The following MCF2L2 variants were observed in gnomAD, a reference collection of about 807,000 sequenced individuals.
The protein encoded by MCF2L2 is MCF.2 cell line derived transforming sequence-like 2, also known as probable guanine nucleotide exchange factor MCF2L2.
Under a neutral mutation model 150.2 loss-of-function variants are expected in MCF2L2, and 102 were observed. The ratio of observed to expected loss-of-function variants is 0.68; its 90% CI spans 0.58 to 0.80. MCF2L2 has a LOEUF of 0.80. Ranked by LOEUF, MCF2L2 falls within the 30% of genes least tolerant of loss-of-function variation. MCF2L2 has a pLI of 0.00. For synonymous variants in MCF2L2, 465 were observed against 491.3 expected (o/e 0.95, Z 0.71); for missense variants, 1,256 against 1,372.8 (o/e 0.91, Z 1.34).
intron 3 of MCF2L2, among the ~76,000 whole-genome samples, chr3:183,355,612 A>C (rs1711723608): frequency 1.2e-5 from 1 of 82,048 alleles, no homozygotes; most frequent in South Asian, 2.9e-4. Flanking sequence ...ACGCCCAGCT[A>C]ATTTTTTTTT....
Position 183,195,225 on chromosome 3 carries a change from G to A in MCF2L2, c.2915C>T (p.Thr972Met), listed in dbSNP as rs371474687. 1.2e-5 allele frequency: 20 copies of A among 1,603,206 alleles called. No homozygotes were observed. The highest frequency in any genetic ancestry group is 3.5e-5 in the Admixed American group (2 of 57,774). ...DQGNPQFEMSTSKGSGAGSGP... is the reference protein window; with the variant it reads ...DQGNPQFEMSMSKGSGAGSGP... ...AAATAAAAAAATCAGTACTCACCTC[G>A]TGCTCATTTCAAACTGTGGATTTCC... is the stretch of plus-strand genomic sequence containing the variant. The change falls in exon 26 of 30, where the codon ACG (threonine) becomes ATG (methionine). Residue 972 changes from threonine to methionine, a missense_variant. Coordinates refer to ENST00000328913, the MANE Select transcript of MCF2L2 (RefSeq NM_015078.4).
At chr3:183,399,918 T>C (rs934320190) in intron 1 of MCF2L2, among the ~76,000 whole-genome samples, 9 of 152,230 alleles carry the variant, frequency 5.9e-5, no homozygotes, top group Non-Finnish European at 1.3e-4. Context: ...AAGCAAGATA[T>C]GTTGGTAATT....
intron 27 of MCF2L2, among the ~76,000 whole-genome samples, chr3:183,185,907 T>C (rs1576905533): frequency 6.6e-6 from 1 of 151,608 alleles, no homozygotes; most frequent in South Asian, 2.1e-4. Flanking sequence ...CAGGGCACAT[T>C]TTTTTTTTCC....
intron 22 of MCF2L2, among the ~76,000 whole-genome samples, chr3:183,208,181 A>C (rs1560342329): frequency 6.6e-6 from 1 of 152,230 alleles, no homozygotes; most frequent in Non-Finnish European, 1.5e-5. Flanking sequence ...TCTCCTTCAA[A>C]GGGACAAGAA....
At chr3:183,239,583 C>T (rs1723915511) in intron 15 of MCF2L2, among the ~76,000 whole-genome samples, 2 of 152,172 alleles carry the variant, frequency 1.3e-5, no homozygotes, top group South Asian at 4.2e-4. Context: ...GTCACCCCCC[C>T]TTCCCCGCCT....
intron 1 of MCF2L2, among the ~76,000 whole-genome samples, chr3:183,391,949 A>G (rs1188170737): frequency 6.6e-6 from 1 of 152,148 alleles, no homozygotes; most frequent in Non-Finnish European, 1.5e-5. Flanking sequence ...GTGCAGTGGC[A>G]TAATCATAGC....
intron 15 of MCF2L2, among the ~76,000 whole-genome samples, chr3:183,250,386 G>C (rs1007025357): frequency 1.3e-5 from 2 of 152,066 alleles, no homozygotes; most frequent in Admixed American, 1.3e-4. Flanking sequence ...AGGAGTTCAA[G>C]ACCTGCCTGG....
chr3:183,322,426 G>C (rs144695216), intron 6 of MCF2L2, among the ~76,000 whole-genome samples: 17 of 152,072 alleles, frequency 1.1e-4, no homozygotes, highest in African/African-American at 3.9e-4. Context: ...AGTCCCTGAC[G>C]ACCCACCAGA....
intron 13 of MCF2L2, 31 bp from the exon 14 acceptor site, chr3:183,289,251 T>A: frequency 6.9e-7 from 1 of 1,439,238 alleles, no homozygotes; most frequent in Non-Finnish European, 9.8e-7. Flanking sequence ...TGTGGTTATT[T>A]AACTTATAAA....
intron 15 of MCF2L2, among the ~76,000 whole-genome samples, chr3:183,234,405 T>A (rs34389664): frequency 1.3e-5 from 2 of 151,912 alleles, no homozygotes; most frequent in Non-Finnish European, 1.5e-5. Context: ...TTCACATCTC[T>A]GAAGGAAAAG....
intron 1 of MCF2L2, among the ~76,000 whole-genome samples, chr3:183,421,365 G>A (rs1715873841): frequency 6.6e-6 from 1 of 152,074 alleles, no homozygotes; most frequent in Admixed American, 6.5e-5. Context: ...CCTTCAGATT[G>A]CATAATCTCT....
chr3:183,286,894 A>G (rs1727826613), intron 14 of MCF2L2, among the ~76,000 whole-genome samples: 1 of 152,250 alleles, frequency 6.6e-6, no homozygotes, highest in South Asian at 2.1e-4. Context: ...TAAGGAAGAA[A>G]ACAACTGAAG....
intron 15 of MCF2L2, among the ~76,000 whole-genome samples, chr3:183,241,058 T>A (rs966113040): frequency 2.0e-5 from 3 of 152,016 alleles, no homozygotes; most frequent in African/African-American, 7.3e-5. Context: ...ATAAAAAAAA[T>A]CAATGATTCC....
At chr3:183,412,906 C>T (rs1395140426) in intron 1 of MCF2L2, among the ~76,000 whole-genome samples, 3 of 152,052 alleles carry the variant, frequency 2.0e-5, no homozygotes, top group Non-Finnish European at 4.4e-5. Flanking sequence ...TCCTTCTACT[C>T]CTAGAAGTGT....
intron 7 of MCF2L2, among the ~76,000 whole-genome samples, chr3:183,313,955 CT>C (rs1427698547): frequency 6.6e-6 from 1 of 152,232 alleles, no homozygotes; most frequent in African/African-American, 2.4e-5. Context: ...GCCCTGAGCA[CT>C]TGCTCGTACT....
At chr3:183,210,908 C>G (rs965592701) in intron 22 of MCF2L2, among the ~76,000 whole-genome samples, 19 of 152,028 alleles carry the variant, frequency 1.2e-4, no homozygotes, top group African/African-American at 4.1e-4. Flanking sequence ...ACCATAGGGC[C>G]CCCAGCATAA....
chr3:183,276,376 T>C (rs893835206), intron 15 of MCF2L2, among the ~76,000 whole-genome samples: 1 of 152,350 alleles, frequency 6.6e-6, no homozygotes, highest in Non-Finnish European at 1.5e-5. Context: ...AGAACAGGTA[T>C]CATGATGGGG....
chr3:183,373,307 G>A (rs948708617), intron 3 of MCF2L2: 3 of 152,130 alleles, frequency 2.0e-5, no homozygotes, highest in African/African-American at 7.2e-5. Flanking sequence ...ATTCATGTGG[G>A]AAGGTTTGTA....
At chr3:183,209,614 G>A (rs1293455584) in intron 22 of MCF2L2, among the ~76,000 whole-genome samples, 1 of 152,006 alleles carries the variant, frequency 6.6e-6, no homozygotes, top group Admixed American at 6.6e-5. Context: ...TCATCCTCCC[G>A]AGTAGCTTGG....
Sources: gnomAD v4.1 joint callset for allele counts (sites outside exome capture counted in the v4.1 genomes callset) on GRCh38, gnomAD v4.1.1 for gene constraint, MANE v1.5 for transcripts, NCBI Gene and HGNC (gene_info 2026-07-23, HGNC 2026-07-21) for gene names.